Variants in TDRD12 observed in about 807,000 individuals in gnomAD.
TDRD12 encodes putative ATP-dependent RNA helicase TDRD12.
A neutral mutation model predicts 133.5 loss-of-function variants in TDRD12; 158 were observed. The observed-to-expected ratio is 1.18, with a 90% CI of 1.04 to 1.35. TDRD12 has a LOEUF of 1.35. Ranked by LOEUF, TDRD12 falls within the 40% of genes most tolerant of loss-of-function variation. The pLI, the probability that TDRD12 is intolerant of heterozygous loss-of-function variation, is 0.00. For missense variants in TDRD12, 1,443 were observed against 1,321.3 expected (o/e 1.09, Z -1.43); for synonymous variants, 460 against 477.9 (o/e 0.96, Z 0.49).
chr19:32,748,504 AT>A lies in TDRD12; in HGVS notation c.471del (p.Gln158SerfsTer7). The A allele has an allele frequency of 1.9e-6, 3 of 1,551,800 alleles. No individual in the cohort carries two copies. Among genetic ancestry groups the A allele is most frequent in the Non-Finnish European group, 2.6e-6 (3 of 1,146,930 alleles). On this transcript the variant is annotated frameshift_variant, in exon 5 of 28. Coordinates refer to ENST00000444215, the Ensembl canonical transcript of TDRD12. LOFTEE classifies it high-confidence loss of function. ...TGCCAAGAAGTGGGACAATGCAGCT[AT>A]TCAGTACTTTCAGAACCTTCTGAAA... is the stretch of plus-strand genomic sequence containing the variant.
At chr19:32,742,448 A>G (rs994144228) in intron 3 of TDRD12, among the ~76,000 whole-genome samples, 14 of 152,136 alleles carry the variant, frequency 9.2e-5, no homozygotes, top group African/African-American at 3.1e-4. Flanking sequence ...GGTGTGAACC[A>G]CCACACCTGG....
At position 32,806,342 on chromosome 19, in the gene TDRD12, T is replaced by TTG. The variant is rs200100523; in HGVS notation, c.2553-1206_2553-1205insGT. Among the ~76,000 whole-genome samples the TTG allele has an allele frequency of 9.1e-3, 1,380 of 151,184 alleles. 30 individuals are homozygous for TTG. The highest frequency in any genetic ancestry group is 0.032 in the African/African-American group (1,317 of 41,108). Reference sequence around the variant, plus strand: ...TTACGCTTAAAGAAGACCGAGTTTTTTTTTTTTTTTTTTTAAGACAGTCTC... The same window carrying TTG: ...TTACGCTTAAAGAAGACCGAGTTTTTTGTTTTTTTTTTTTTTAAGACAGTCTC... On this transcript the variant is annotated intron_variant, in intron 21 of 27. Coordinates refer to ENST00000444215, the Ensembl canonical transcript of TDRD12.
chr19:32,814,844 G>A (rs1967121560), intron 25 of TDRD12, among the ~76,000 whole-genome samples: 1 of 152,162 alleles, frequency 6.6e-6, no homozygotes. Flanking sequence ...ACCTAGGAAG[G>A]GGCCCCAGCC....
At position 32,802,644 on chromosome 19, in the gene TDRD12, C is replaced by T; in HGVS notation, c.2198-12C>T. The T allele has an allele frequency of 2.0e-6, 3 of 1,535,378 alleles. No individual in the cohort carries two copies. The highest frequency in any genetic ancestry group is 2.6e-6 in the Non-Finnish European group (3 of 1,146,586). ...CCAGCGCGTGTGACATTGTCGGACTCCCTCTCTGCAGCCCTCACAGACGAC... is the reference window on the plus strand; with the variant it reads ...CCAGCGCGTGTGACATTGTCGGACTTCCTCTCTGCAGCCCTCACAGACGAC... On this transcript the variant is annotated splice_polypyrimidine_tract_variant and intron_variant, in intron 19 of 27. Coordinates refer to ENST00000444215, the Ensembl canonical transcript of TDRD12.
intron 13 of TDRD12, among the ~76,000 whole-genome samples, chr19:32,791,345 C>G (rs567496979): frequency 3.3e-5 from 5 of 152,134 alleles, no homozygotes; most frequent in Non-Finnish European, 7.4e-5. Context: ...TCCAGGATGC[C>G]TGTGGACAGG....
chr19:32,731,821 G>A (rs938223090), exon 2 of TDRD12: 1 of 1,551,378 alleles, frequency 6.4e-7, no homozygotes, highest in African/African-American at 1.4e-5. Context: ...TGCCATGAAT[G>A]ACTTCTACAA....
At chr19:32,811,156 A>ATTACCTC in intron 23 of TDRD12, 54 bp from the exon 24 acceptor site, 1 of 1,350,852 alleles carries the variant, frequency 7.4e-7, no homozygotes. Context: ...ATTTGAGGCA[A>ATTACCTC]AGATGATCCT....
chr19:32,794,843 C>A, intron 14 of TDRD12, 30 bp downstream of exon 14: 2 of 697,546 alleles, frequency 2.9e-6, no homozygotes, highest in Non-Finnish European at 5.2e-6. Flanking sequence ...GCCTCACAAC[C>A]AAATGGGTTA....
chr19:32,739,978 G>A (rs1374294169), intron 3 of TDRD12, among the ~76,000 whole-genome samples: 15 of 109,314 alleles, frequency 1.4e-4, no homozygotes, highest in East Asian at 3.1e-4. Flanking sequence ...TCTCCTGGGT[G>A]CTGTCTGCAT....
intron 13 of TDRD12, among the ~76,000 whole-genome samples, chr19:32,793,384 C>G (rs891053518): frequency 6.6e-6 from 1 of 151,912 alleles, no homozygotes; most frequent in Non-Finnish European, 1.5e-5. Flanking sequence ...AGAAGTAACC[C>G]GAGAAAGATG....
chr19:32,773,612 C>G, intron 10 of TDRD12, 80 bp downstream of exon 10: 1 of 1,289,352 alleles, frequency 7.8e-7, no homozygotes, highest in Non-Finnish European at 1.1e-6. Context: ...CTGGGGGGAT[C>G]GCTTAAGCCC....
At chr19:32,743,998 A>G (rs1358295410) in intron 4 of TDRD12, among the ~76,000 whole-genome samples, 1 of 150,918 alleles carries the variant, frequency 6.6e-6, no homozygotes, top group Non-Finnish European at 1.5e-5. Flanking sequence ...ACTGCACTCC[A>G]GCCTGGGCAA....
At chr19:32,772,802 C>T in exon 9 of TDRD12, 1 of 1,513,962 alleles carries the variant, frequency 6.6e-7, no homozygotes, top group African/African-American at 1.4e-5. Context: ...CACCTAAAGA[C>T]AAATCTGAAA....
intron 11 of TDRD12, among the ~76,000 whole-genome samples, chr19:32,785,015 G>A (rs924120901): frequency 3.3e-5 from 5 of 151,966 alleles, no homozygotes; most frequent in African/African-American, 1.2e-4. Context: ...GTTATTTCTT[G>A]TCTTCTGCCA....
chr19:32,734,339 G>T (rs1456098693), intron 2 of TDRD12, among the ~76,000 whole-genome samples: 4 of 150,842 alleles, frequency 2.7e-5, no homozygotes, highest in Non-Finnish European at 5.9e-5. Flanking sequence ...GGGTGGTTTT[G>T]TTTTTCTCTC....
At chr19:32,748,644 A>T in intron 5 of TDRD12, 113 bp downstream of exon 5, 2 of 1,048,114 alleles carry the variant, frequency 1.9e-6, no homozygotes, top group Non-Finnish European at 2.7e-6. Context: ...GGCCCTCCTC[A>T]GAGGAGTTCC....
chr19:32,772,847 T>G, exon 9 of TDRD12: 2 of 1,421,480 alleles, frequency 1.4e-6, no homozygotes, highest in Non-Finnish European at 1.9e-6. Flanking sequence ...AAGATACAAA[T>G]AAGGTTGTAT....
At chr19:32,742,807 T>C (rs1969472638) in exon 4 of TDRD12, 1 of 1,551,870 alleles carries the variant, frequency 6.4e-7, no homozygotes, top group Non-Finnish European at 8.7e-7. Context: ...GAATCGTTTA[T>C]GCAGCTTCCC....
At chr19:32,817,650 A>G (rs1010815354) in intron 26 of TDRD12, among the ~76,000 whole-genome samples, 6 of 151,336 alleles carry the variant, frequency 4.0e-5, no homozygotes, top group Non-Finnish European at 7.4e-5. Flanking sequence ...CCCTGTGGGA[A>G]TCCTGTGTAT....
Sources: allele counts gnomAD v4.1 joint callset (sites outside exome capture counted in the v4.1 genomes callset), GRCh38; gene constraint gnomAD v4.1.1; transcripts MANE v1.5; gene names NCBI Gene and HGNC (gene_info 2026-07-23, HGNC 2026-07-21).